GALNT18: variants seen among roughly 807,000 people sequenced by gnomAD.
The protein encoded by GALNT18 is polypeptide N-acetylgalactosaminyltransferase 18.
Under a neutral mutation model 69.5 loss-of-function variants are expected in GALNT18, and 44 were observed. That is an observed-to-expected ratio of 0.63 (90% CI 0.50 to 0.81). The LOEUF (loss-of-function observed/expected upper bound fraction) is 0.81, where lower values mean the gene tolerates loss of function less well. Ranked by LOEUF, GALNT18 falls within the 40% of genes least tolerant of loss-of-function variation. The pLI, the probability that GALNT18 is intolerant of heterozygous loss-of-function variation, is 0.00. For synonymous variants in GALNT18, 364 were observed against 318.2 expected, an observed-to-expected ratio of 1.14 and a Z score of -1.53; for missense variants, 715 against 810.0, an observed-to-expected ratio of 0.88 and a Z score of 1.42.
At chr11:11,304,567 AAAC>A (rs1849548117) in intron 9 of GALNT18, among the ~76,000 whole-genome samples, 1 of 151,818 alleles carries the variant, frequency 6.6e-6, no homozygotes, top group Non-Finnish European at 1.5e-5. Context: ...CACTCTTCAC[AAAC>A]AACAGTCTGC....
At chr11:11,358,826 A>AACACACACACACACAC (rs10644506) in intron 6 of GALNT18, among the ~76,000 whole-genome samples, 1,499 of 110,850 alleles carry the variant, frequency 0.014, 171 homozygotes, top group South Asian at 0.03. Context: ...ATCCACACAA[A>AACACACACACACACAC]ACACACACAC....
chr11:11,503,439 C>T (rs1160202916), intron 1 of GALNT18, among the ~76,000 whole-genome samples: 1 of 152,158 alleles, frequency 6.6e-6, no homozygotes, highest in African/African-American at 2.4e-5. Context: ...ATCAGGTGCC[C>T]ACCTCCACTG....
intron 6 of GALNT18, among the ~76,000 whole-genome samples, chr11:11,364,560 A>G (rs1282147180): frequency 1.1e-5 from 1 of 89,724 alleles, no homozygotes; most frequent in East Asian, 2.0e-4. Flanking sequence ...AGAGGGGGGG[A>G]AAAAGAGATG....
At position 11,432,807 on chromosome 11, in the gene GALNT18, G is replaced by A. The variant is rs557191716; in HGVS notation, c.429-20C>T. The A allele has an allele frequency of 5.6e-6, 9 of 1,607,768 alleles. No individual in the cohort carries two copies. Among genetic ancestry groups the A allele is most frequent in the East Asian group, 4.5e-5 (2 of 44,708 alleles). ...CGGCACCTGCAAAGAACAGCCAAGC[G>A]CTTAGATTTGTGACTCAGCTGGAGT... On this transcript the variant is annotated intron_variant, in intron 2 of 10. Coordinates refer to ENST00000227756, the MANE Select transcript of GALNT18 (RefSeq NM_198516.3). The surrounding 1 kb of genome is among the most constrained non-coding windows in gnomAD (Gnocchi z 5.8).
chr11:11,394,761 C>T (rs188531850), intron 3 of GALNT18, among the ~76,000 whole-genome samples: 45 of 152,320 alleles, frequency 3.0e-4, no homozygotes, highest in African/African-American at 1.0e-3. Flanking sequence ...GAGGTGGTAC[C>T]GACAGGCGGG....
chr11:11,450,040 G>C (rs1029431604), intron 1 of GALNT18, among the ~76,000 whole-genome samples: 1 of 152,166 alleles, frequency 6.6e-6, no homozygotes, highest in African/African-American at 2.4e-5. Context: ...GCCATCAGGT[G>C]AATCATTTGA....
rs1347972532 is a variant in GALNT18, at chr11:11,377,621, T to A, written c.780-242A>T. 6.6e-6 allele frequency among the ~76,000 whole-genome samples: 1 copy of A among 151,794 alleles called. No individual in the cohort carries two copies. Among genetic ancestry groups the A allele is most frequent in the East Asian group, 1.9e-4 (1 of 5,186 alleles). The stretch of plus-strand genomic sequence containing the variant: ...GCATATCCAGAGCTGAGCTGAGAGA[T>A]TCTTATTCCAGCCAACCTTGTGCCT... On this transcript the variant is annotated intron_variant, in intron 4 of 10. Coordinates refer to ENST00000227756, the MANE Select transcript of GALNT18 (RefSeq NM_198516.3). The surrounding 1 kb of genome is among the most constrained non-coding windows in gnomAD (Gnocchi z 4.6).
At chr11:11,279,852 A>G (rs1460681446) in intron 10 of GALNT18, among the ~76,000 whole-genome samples, 1 of 152,194 alleles carries the variant, frequency 6.6e-6, no homozygotes, top group Non-Finnish European at 1.5e-5. Context: ...CATGGAGTTG[A>G]AAGTGTGTAT....
intron 1 of GALNT18, among the ~76,000 whole-genome samples, chr11:11,506,592 T>C (rs1425824681): frequency 1.3e-5 from 2 of 152,230 alleles, no homozygotes; most frequent in East Asian, 3.8e-4. Context: ...ACCAGAACTA[T>C]TGATTCCCGT....
In GALNT18 at chr11:11,318,150, C is replaced by T. The variant is rs904814756; in HGVS notation, c.1512+8936G>A. Among the ~76,000 whole-genome samples, 1 of 152,136 alleles carries T rather than the reference C, an allele frequency of 6.6e-6. No homozygotes were observed. The highest frequency in any genetic ancestry group is 2.4e-5 in the African/African-American group (1 of 41,430). On this transcript the variant is annotated intron_variant, in intron 9 of 10. Transcript: ENST00000227756. This position sits in a 1 kb window ranked among gnomAD's most constrained non-coding sequence, Gnocchi z 5.1. The stretch of plus-strand genomic sequence containing the variant: ...AATGAGAGAGGAAGTGATGGGAGAC[C>T]CTTTTTGGCCTAGAAAGTGAGAGTC...
intron 9 of GALNT18, among the ~76,000 whole-genome samples, chr11:11,294,835 C>G (rs4910296): frequency 6.6e-6 from 1 of 151,852 alleles, no homozygotes; most frequent in Non-Finnish European, 1.5e-5. Context: ...CTCACATTGC[C>G]AAAGGCATTA....
chr11:11,503,557 G>A (rs1289604328), intron 1 of GALNT18, among the ~76,000 whole-genome samples: 1 of 152,174 alleles, frequency 6.6e-6, no homozygotes, highest in Non-Finnish European at 1.5e-5. Flanking sequence ...GCTCAGGCCA[G>A]GCCCTGCGCT....
intron 1 of GALNT18, among the ~76,000 whole-genome samples, chr11:11,607,542 T>C (rs112230736): frequency 1.1e-3 from 171 of 152,348 alleles, no homozygotes; most frequent in African/African-American, 4.0e-3. Context: ...TTGTAAAGAA[T>C]GTATATCAAA....
chr11:11,377,490 C>T lies in GALNT18; in HGVS notation c.780-111G>A, dbSNP rs911319586. Reference sequence around the variant, plus strand: ...GCAGAAAGAGGAAGGAAGGCCTGCCCATCTCCTCTGATGGAGAGGTGCACT... The same window carrying T: ...GCAGAAAGAGGAAGGAAGGCCTGCCTATCTCCTCTGATGGAGAGGTGCACT... On this transcript the variant is annotated intron_variant, in intron 4 of 10. Coordinates refer to ENST00000227756, the MANE Select transcript of GALNT18 (RefSeq NM_198516.3). The surrounding 1 kb of genome is among the most constrained non-coding windows in gnomAD (Gnocchi z 4.6). 1.1e-6 allele frequency: 1 copy of T among 903,616 alleles called. No homozygotes were observed. The highest frequency in any genetic ancestry group is 1.7e-6 in the Non-Finnish European group (1 of 573,070). The allele number at this position is 903,616 out of a possible 1,614,324, so 56.0% of individuals were successfully genotyped here.
chr11:11,603,993 G>A lies in GALNT18; in HGVS notation c.235+17366C>T, dbSNP rs757957359. Among the ~76,000 whole-genome samples, 96 of 152,256 alleles carry A rather than the reference G, an allele frequency of 6.3e-4. No homozygotes were observed. The highest frequency in any genetic ancestry group is 1.0e-3 in the Non-Finnish European group (71 of 68,014). On this transcript the variant is annotated intron_variant, in intron 1 of 10. Transcript: ENST00000227756. This position sits in a 1 kb window ranked among gnomAD's most constrained non-coding sequence, Gnocchi z 4.5. ...GTGGACCCTCATGAATGGGATTACT[G>A]TTCTTATGAAAGGAACCTCAGAAAG...
chr11:11,393,864 T>C (rs1017328793), intron 3 of GALNT18, among the ~76,000 whole-genome samples: 1 of 152,240 alleles, frequency 6.6e-6, no homozygotes, highest in Non-Finnish European at 1.5e-5. Flanking sequence ...AAATATTACT[T>C]CCCTGGTAGA....
intron 1 of GALNT18, among the ~76,000 whole-genome samples, chr11:11,517,532 G>A (rs1857308194): frequency 2.0e-5 from 3 of 152,210 alleles, no homozygotes; most frequent in Admixed American, 2.0e-4. Context: ...TATTTGTGGT[G>A]TGTTAGTTAT....
chr11:11,427,869 T>A (rs1401579276), intron 3 of GALNT18, among the ~76,000 whole-genome samples: 2 of 152,188 alleles, frequency 1.3e-5, no homozygotes, highest in Admixed American at 1.3e-4. Context: ...CCCCAGTGCC[T>A]CTGTGAGGCA....
In GALNT18 at chr11:11,614,825, G is replaced by A. The variant is rs1015194468; in HGVS notation, c.235+6534C>T. 3.3e-5 allele frequency among the ~76,000 whole-genome samples: 5 copies of A among 152,124 alleles called. No homozygotes were observed. Among genetic ancestry groups the A allele is most frequent in the African/African-American group, 1.2e-4 (5 of 41,400 alleles). ...GATTCTCCACCAACCTACTTATCAA[G>A]GGAAAATAACAATTTATGTCAAGTG... On this transcript the variant is annotated intron_variant, in intron 1 of 10. Coordinates refer to ENST00000227756, the MANE Select transcript of GALNT18 (RefSeq NM_198516.3). This position sits in a 1 kb window ranked among gnomAD's most constrained non-coding sequence, Gnocchi z 5.6.
Sources: allele counts gnomAD v4.1 joint callset (sites outside exome capture counted in the v4.1 genomes callset), GRCh38; gene constraint gnomAD v4.1.1; non-coding constraint Gnocchi (gnomAD v3.1); transcripts MANE v1.5; gene names NCBI Gene and HGNC (gene_info 2026-07-23, HGNC 2026-07-21).